Variants in CAPZB observed in about 807,000 individuals in gnomAD.
CAPZB encodes the protein capping actin protein of muscle Z-line subunit beta, also known as F-actin-capping protein subunit beta.
In CAPZB, 2 loss-of-function variants were observed where a neutral mutation model predicts 38.1. The observed-to-expected ratio is 0.05, with a 90% CI of 0.02 to 0.17. The LOEUF (loss-of-function observed/expected upper bound fraction) is 0.17, where lower values mean the gene tolerates loss of function less well. Ranked by LOEUF, CAPZB falls within the 10% of genes least tolerant of loss-of-function variation. The pLI is 1.00. For missense variants in CAPZB, 161 were observed against 334.2 expected, an observed-to-expected ratio of 0.48 and a Z score of 4.04; for synonymous variants, 107 against 127.4, an observed-to-expected ratio of 0.84 and a Z score of 1.08.
chr1:19,439,353 A>T (rs994639949), intron 1 of CAPZB, among the ~76,000 whole-genome samples: 2 of 152,228 alleles, frequency 1.3e-5, no homozygotes, highest in Non-Finnish European at 2.9e-5. Context: ...ATGGGAAAAT[A>T]TGGTATCAAT....
At chr1:19,339,676 G>T in intron 8 of CAPZB, 59 bp from the exon 9 acceptor site, 1 of 1,289,242 alleles carries the variant, frequency 7.8e-7, no homozygotes, top group Non-Finnish European at 1.1e-6. Flanking sequence ...GGCGGTGGAG[G>T]CCTGGGGGCC....
chr1:19,469,609 G>A (rs1000810243), intron 1 of CAPZB, among the ~76,000 whole-genome samples: 19 of 152,002 alleles, frequency 1.2e-4, no homozygotes, highest in African/African-American at 2.9e-4. Flanking sequence ...GCAGTGAGGC[G>A]GCGGCCACGG....
intron 2 of CAPZB, among the ~76,000 whole-genome samples, chr1:19,395,941 G>A (rs2094265426): frequency 6.6e-6 from 1 of 152,198 alleles, no homozygotes; most frequent in African/African-American, 2.4e-5. Context: ...AGGAGCACAG[G>A]GAGGCTCCCC....
At chr1:19,346,452 T>TAAAAAA (rs200968507) in intron 6 of CAPZB, among the ~76,000 whole-genome samples, 3 of 73,246 alleles carry the variant, frequency 4.1e-5, no homozygotes, top group African/African-American at 6.1e-5. Context: ...TGAGAGAAGC[T>TAAAAAA]AAAAAAAAAA....
At chr1:19,373,746 T>C (rs979899024) in intron 4 of CAPZB, among the ~76,000 whole-genome samples, 6 of 151,976 alleles carry the variant, frequency 3.9e-5, no homozygotes, top group Non-Finnish European at 7.4e-5. Flanking sequence ...GCTGAGTGTA[T>C]GATGGCATGA....
intron 8 of CAPZB, among the ~76,000 whole-genome samples, chr1:19,343,035 C>T (rs2093940800): frequency 6.6e-6 from 1 of 152,162 alleles, no homozygotes; most frequent in Non-Finnish European, 1.5e-5. Flanking sequence ...GAGGTCCACG[C>T]TGGCGGTGGT....
At chr1:19,411,816 T>C (rs1558238305) in intron 2 of CAPZB, among the ~76,000 whole-genome samples, 1 of 152,190 alleles carries the variant, frequency 6.6e-6, no homozygotes, top group African/African-American at 2.4e-5. Flanking sequence ...AATCATGCCA[T>C]TTCTTCCTGG....
intron 1 of CAPZB, among the ~76,000 whole-genome samples, chr1:19,465,814 T>TA (rs2094566907): frequency 6.6e-6 from 1 of 152,196 alleles, no homozygotes; most frequent in South Asian, 2.1e-4. Flanking sequence ...ATTGGGCACT[T>TA]ACTATGTCCC....
intron 1 of CAPZB, among the ~76,000 whole-genome samples, chr1:19,451,442 T>C (rs2094515674): frequency 2.0e-5 from 3 of 152,140 alleles, no homozygotes; most frequent in Admixed American, 2.0e-4. Flanking sequence ...TGCTCTTTAT[T>C]CCTGCTCCCC....
At chr1:19,454,305 G>C (rs1414472093) in intron 1 of CAPZB, among the ~76,000 whole-genome samples, 1 of 152,210 alleles carries the variant, frequency 6.6e-6, no homozygotes, top group Non-Finnish European at 1.5e-5. Context: ...AGAATGAAAT[G>C]CTGGCCACGT....
chr1:19,352,288 C>G (rs1036639121), intron 6 of CAPZB, among the ~76,000 whole-genome samples: 7 of 152,354 alleles, frequency 4.6e-5, no homozygotes, highest in Admixed American at 3.9e-4. Flanking sequence ...GGGGGTGTCT[C>G]TGCTGAGTGG....
intron 1 of CAPZB, among the ~76,000 whole-genome samples, chr1:19,483,021 G>T (rs1457059468): frequency 6.6e-6 from 1 of 152,198 alleles, no homozygotes; most frequent in Non-Finnish European, 1.5e-5. Context: ...CATTCCAAGT[G>T]GTTTCTTCCA....
intron 1 of CAPZB, among the ~76,000 whole-genome samples, chr1:19,478,947 T>C (rs896911970): frequency 6.6e-6 from 1 of 152,196 alleles, no homozygotes; most frequent in African/African-American, 2.4e-5. Context: ...CAGTGGCTCA[T>C]GCCTGTAATC....
At chr1:19,339,762 T>C in intron 8 of CAPZB, 145 bp from the exon 9 acceptor site, 1 of 708,314 alleles carries the variant, frequency 1.4e-6, no homozygotes, top group South Asian at 1.6e-5. Flanking sequence ...GGGCTGGGCA[T>C]CTGCCCCTCT....
intron 4 of CAPZB, among the ~76,000 whole-genome samples, chr1:19,372,328 A>G (rs771615132): frequency 6.6e-6 from 1 of 152,234 alleles, no homozygotes; most frequent in African/African-American, 2.4e-5. Flanking sequence ...ACTTCAGAGC[A>G]TTGGGCGAGA....
intron 1 of CAPZB, among the ~76,000 whole-genome samples, chr1:19,441,551 T>C (rs1052784846): frequency 1.1e-4 from 17 of 152,058 alleles, no homozygotes; most frequent in African/African-American, 4.1e-4. Flanking sequence ...GTTCACCCCT[T>C]TTTTTGCATA....
chr1:19,368,329 G>C (rs2094101256), intron 4 of CAPZB, among the ~76,000 whole-genome samples: 1 of 152,044 alleles, frequency 6.6e-6, no homozygotes, highest in Admixed American at 6.6e-5. Context: ...CCACACCACT[G>C]AACACACAGC....
At chr1:19,473,395 C>A (rs1019411191) in intron 1 of CAPZB, among the ~76,000 whole-genome samples, 2 of 152,164 alleles carry the variant, frequency 1.3e-5, no homozygotes, top group Admixed American at 1.3e-4. Context: ...AGCACAGAGG[C>A]CAGCCTAATC....
At chr1:19,468,563 G>GGGGCGGAGCAGGGCA (rs1220824755) in intron 1 of CAPZB, among the ~76,000 whole-genome samples, 3 of 152,082 alleles carry the variant, frequency 2.0e-5, no homozygotes, top group African/African-American at 7.2e-5. Context: ...GCGGCAGGGT[G>GGGGCGGAGCAGGGCA]GGGCGGAGCA....
Sources: allele counts gnomAD v4.1 joint callset (sites outside exome capture counted in the v4.1 genomes callset), GRCh38; gene constraint gnomAD v4.1.1; transcripts MANE v1.5; gene names NCBI Gene and HGNC (gene_info 2026-07-23, HGNC 2026-07-21).